LRRC28: variants seen among roughly 807,000 people sequenced by gnomAD.
LRRC28 encodes the protein leucine-rich repeat-containing protein 28.
A neutral mutation model predicts 45.7 loss-of-function variants in LRRC28; 39 were observed. That is an observed-to-expected ratio of 0.85 (90% CI 0.66 to 1.12). The LOEUF (loss-of-function observed/expected upper bound fraction) is 1.12. Among genes scored for constraint, LRRC28 ranks in the 50% most tolerant of loss-of-function variants. The pLI is 0.00. For synonymous variants in LRRC28, 206 were observed against 178.8 expected, an observed-to-expected ratio of 1.15 and a Z score of -1.22; for missense variants, 435 against 438.5, an observed-to-expected ratio of 0.99 and a Z score of 0.07.
intron 5 of LRRC28, among the ~76,000 whole-genome samples, chr15:99,310,476 CT>C (rs1241522071): frequency 1.3e-5 from 2 of 152,172 alleles, no homozygotes; most frequent in African/African-American, 4.8e-5. Context: ...ACTAGTTAAT[CT>C]TAACTTCACT....
At chr15:99,378,080 A>G (rs1200682488) in intron 9 of LRRC28, among the ~76,000 whole-genome samples, 1 of 152,184 alleles carries the variant, frequency 6.6e-6, no homozygotes, top group Admixed American at 6.5e-5. Flanking sequence ...TTCTGTGAAG[A>G]AAGTCATTGG....
intron 2 of LRRC28, among the ~76,000 whole-genome samples, chr15:99,272,117 G>A (rs1244374174): frequency 6.6e-6 from 1 of 152,136 alleles, no homozygotes; most frequent in Non-Finnish European, 1.5e-5. Flanking sequence ...TTTATAGCTT[G>A]TATAACAACC....
At chr15:99,316,313 G>A (rs1030801913) in intron 5 of LRRC28, among the ~76,000 whole-genome samples, 3 of 152,158 alleles carry the variant, frequency 2.0e-5, no homozygotes, top group African/African-American at 7.2e-5. Flanking sequence ...TTGTATCCAT[G>A]TTTTTGTAGA....
At chr15:99,258,516 A>G in intron 2 of LRRC28, 1 of 742,378 alleles carries the variant, frequency 1.3e-6, no homozygotes, top group Non-Finnish European at 2.5e-6. Context: ...AGCAGCAGCA[A>G]AAGAAGAGAA....
At chr15:99,252,187 T>G (rs994651505) in intron 1 of LRRC28, among the ~76,000 whole-genome samples, 1 of 152,208 alleles carries the variant, frequency 6.6e-6, no homozygotes, top group Non-Finnish European at 1.5e-5. Flanking sequence ...GTAGTATAAC[T>G]ATACAAGAGG....
rs367730749 is a variant in LRRC28 at position 99,365,446 on chromosome 15, T to G, written c.1031+2181T>G. 8.4e-4 allele frequency among the ~76,000 whole-genome samples: 128 copies of G among 152,354 alleles called. 2 individuals carry two copies. The South Asian group carries it at 0.024, about 28-fold the overall frequency. On this transcript the variant is annotated intron_variant, in intron 9 of 9. Coordinates refer to ENST00000301981, the MANE Select transcript of LRRC28 (RefSeq NM_144598.5). ...TGAAATTGAGAGTTTGTGGCTTTCA[T>G]TCAGCCCACCAGGCTGTGCTCCTTC...
Position 99,338,027 on chromosome 15 carries a change from T to A in LRRC28, c.592+3898T>A, listed in dbSNP as rs115447340. On this transcript the variant is annotated intron_variant, in intron 6 of 9. Coordinates refer to ENST00000301981, the MANE Select transcript of LRRC28 (RefSeq NM_144598.5). ...CAAGCCCCGGTGGCCTTGCTACATC[T>A]GGTATACTGGATATTCTTTGTAAGA... The A allele has an allele frequency of 7.2e-4, 109 of 152,310 alleles. 1 individual carries two copies. The highest frequency in any genetic ancestry group is 2.5e-3 in the African/African-American group (104 of 41,552). The allele number at this position is 152,310 out of a possible 1,614,324, so 9.4% of individuals were successfully genotyped here. A position where few individuals can be genotyped will look rare whatever the true frequency, so the allele number is the denominator to read the frequency against.
At chr15:99,261,902 C>G (rs1269596318) in intron 2 of LRRC28, among the ~76,000 whole-genome samples, 1 of 151,876 alleles carries the variant, frequency 6.6e-6, no homozygotes, top group African/African-American at 2.4e-5. Flanking sequence ...GGTGATCCAC[C>G]CACCTTGGCC....
At chr15:99,258,212 A>G in intron 2 of LRRC28, 1 of 1,608,696 alleles carries the variant, frequency 6.2e-7, no homozygotes, top group Non-Finnish European at 8.5e-7. Flanking sequence ...GTTTGGTGTC[A>G]GTTTCTATTC....
At chr15:99,280,462 T>A (rs1022323375) in intron 3 of LRRC28, among the ~76,000 whole-genome samples, 7 of 142,694 alleles carry the variant, frequency 4.9e-5, no homozygotes, top group Admixed American at 4.4e-4. Context: ...ATTTTTAAAA[T>A]TTTTTTCTGG....
rs144821392 is a variant in LRRC28, at chr15:99,363,239, G to A, written c.1005G>A (p.Glu335=). 6.2e-7 allele frequency: 1 copy of A among 1,614,000 alleles called. No individual in the cohort carries two copies. Among genetic ancestry groups the A allele is most frequent in the East Asian group, 2.2e-5 (1 of 44,886 alleles). The stretch of plus-strand genomic sequence containing the variant: ...ACCCCAAGCTCTTTCCCTTGAGAGA[G>A]ACGCCAATGGCAGGGCTGCACCAGT... ...IVYPKLFPLR[E]TPMAGLHQWK... Residue 335 remains glutamate (E), a synonymous_variant, in exon 9 of 10, where the codon GAG becomes GAA. Coordinates refer to ENST00000301981, the MANE Select transcript of LRRC28 (RefSeq NM_144598.5).
chr15:99,262,535 T>C (rs2081226404), intron 2 of LRRC28, among the ~76,000 whole-genome samples: 1 of 152,184 alleles, frequency 6.6e-6, no homozygotes, highest in Non-Finnish European at 1.5e-5. Flanking sequence ...TGAGCTGCAA[T>C]TGTGCCACTG....
intron 5 of LRRC28, among the ~76,000 whole-genome samples, chr15:99,314,589 A>C (rs8033188): frequency 0.19 from 29,351 of 152,142 alleles, 3,179 homozygotes; most frequent in African/African-American, 0.31. Flanking sequence ...TTACTGGGTA[A>C]GTTCCTGTGT....
At chr15:99,315,170 A>G (rs1955549971) in intron 5 of LRRC28, among the ~76,000 whole-genome samples, 1 of 152,214 alleles carries the variant, frequency 6.6e-6, no homozygotes, top group Non-Finnish European at 1.5e-5. Flanking sequence ...CAGAGGACAC[A>G]GTATAATTTC....
At chr15:99,288,587 G>T (rs1042121927) in intron 5 of LRRC28, among the ~76,000 whole-genome samples, 1 of 151,928 alleles carries the variant, frequency 6.6e-6, no homozygotes, top group Non-Finnish European at 1.5e-5. Context: ...TCACCATGTT[G>T]CCCAGGGTGG....
chr15:99,374,634 G>A (rs142630779), intron 9 of LRRC28, among the ~76,000 whole-genome samples: 81 of 151,094 alleles, frequency 5.4e-4, no homozygotes, highest in African/African-American at 1.9e-3. Flanking sequence ...TGAGTACTAT[G>A]CTGACTAAGG....
Position 99,286,254 on chromosome 15 carries a change from C to T in LRRC28, c.210-1003C>T, listed in dbSNP as rs545075691. Among the ~76,000 whole-genome samples, 14 of 152,284 alleles carry T rather than the reference C, an allele frequency of 9.2e-5. No homozygotes were observed. In the South Asian group the frequency reaches 2.7e-3, roughly 29 times the overall value. The stretch of plus-strand genomic sequence containing the variant: ...CAAGCAGTTCTCCTGCCTCAGTCTC[C>T]CAAGTAGCTGGGACTACAGATGCAC... On this transcript the variant is annotated intron_variant, in intron 3 of 9. Transcript: ENST00000301981.
At chr15:99,263,581 T>A (rs1456051866) in intron 2 of LRRC28, among the ~76,000 whole-genome samples, 2 of 152,074 alleles carry the variant, frequency 1.3e-5, no homozygotes, top group African/African-American at 2.4e-5. Context: ...ATTATAAGAG[T>A]TCCAGACTGA....
chr15:99,365,212 T>C (rs1474172167), intron 9 of LRRC28, among the ~76,000 whole-genome samples: 5 of 152,266 alleles, frequency 3.3e-5, no homozygotes, highest in Non-Finnish European at 7.3e-5. Flanking sequence ...ATTTACTGTT[T>C]AATTTCCCTG....
Sources: gnomAD v4.1 joint callset for allele counts (sites outside exome capture counted in the v4.1 genomes callset) on GRCh38, gnomAD v4.1.1 for gene constraint, MANE v1.5 for transcripts, NCBI Gene and HGNC (gene_info 2026-07-23, HGNC 2026-07-21) for gene names.